THSD7A: variants seen among roughly 807,000 people sequenced by gnomAD.
THSD7A encodes thrombospondin type-1 domain-containing protein 7A.
In THSD7A, 96 loss-of-function variants were observed where a neutral mutation model predicts 231.3. That is an observed-to-expected ratio of 0.41 (90% CI 0.35 to 0.49). The LOEUF (loss-of-function observed/expected upper bound fraction) is 0.49. THSD7A is among the 20% of genes least tolerant of loss of function. THSD7A has a pLI of 0.05. For synonymous variants in THSD7A, 940 were observed against 743.3 expected (o/e 1.26, Z -4.30); for missense variants, 2,290 against 2,070.2 (o/e 1.11, Z -2.06).
intron 1 of THSD7A, among the ~76,000 whole-genome samples, chr7:11,716,482 A>G (rs765037957): frequency 6.6e-6 from 1 of 151,648 alleles, no homozygotes; most frequent in African/African-American, 2.4e-5. Flanking sequence ...TTTAAGCCAC[A>G]GATTCCTGCT....
intron 1 of THSD7A, among the ~76,000 whole-genome samples, chr7:11,754,520 T>G (rs142785750): frequency 0.016 from 2,494 of 152,230 alleles, 52 homozygotes; most frequent in African/African-American, 0.056. Context: ...CATGAATCTT[T>G]CTTCTGCTTC....
At chr7:11,458,739 G>A (rs553005383) in intron 11 of THSD7A, among the ~76,000 whole-genome samples, 20 of 152,238 alleles carry the variant, frequency 1.3e-4, no homozygotes, top group Middle Eastern at 3.4e-3. Context: ...ACTACAAGGT[G>A]GCCACCCAGG....
chr7:11,652,310 A>C (rs1782534337), intron 1 of THSD7A, among the ~76,000 whole-genome samples: 1 of 151,934 alleles, frequency 6.6e-6, no homozygotes, highest in Non-Finnish European at 1.5e-5. Flanking sequence ...CATTACTACA[A>C]ATAATTATTT....
At position 11,376,529 on chromosome 7, in the gene THSD7A, A is replaced by G. The variant is rs748585655; in HGVS notation, c.4889+41T>C. 1.2e-5 allele frequency: 17 copies of G among 1,452,034 alleles called. No individual in the cohort carries two copies. In the Middle Eastern group the frequency reaches 1.0e-3, roughly 90 times the overall value. The allele number at this position is 1,452,034 out of a possible 1,614,324, so 89.9% of individuals were successfully genotyped here. A position where few individuals can be genotyped will look rare whatever the true frequency, so the allele number is the denominator to read the frequency against. ...ATTAGTTTGCTGTTTCTGTGTTACG[A>G]TTAAGTATCTCTTTGGATTTTTAAT... On this transcript the variant is annotated intron_variant, in intron 27 of 27. Transcript: ENST00000423059.
intron 4 of THSD7A, among the ~76,000 whole-genome samples, chr7:11,574,034 G>T (rs376923278): frequency 6.6e-6 from 1 of 152,114 alleles, no homozygotes; most frequent in Non-Finnish European, 1.5e-5. Flanking sequence ...GGAAAAACAA[G>T]CATACCTGAG....
chr7:11,411,428 A>G lies in THSD7A; in HGVS notation c.3683-106T>C, dbSNP rs1237530292. On this transcript the variant is annotated intron_variant, in intron 18 of 27. Transcript: ENST00000423059. The surrounding 1 kb of genome is among the most constrained non-coding windows in gnomAD (Gnocchi z 4.1). The stretch of plus-strand genomic sequence containing the variant: ...ATATTTAATTCACAACTGCTTCCTA[A>G]GCCCCATAATCAATCATCCCCCATG... 1 of 731,552 alleles carries G rather than the reference A, an allele frequency of 1.4e-6. No individual in the cohort carries two copies. The highest frequency in any genetic ancestry group is 2.3e-6 in the Non-Finnish European group (1 of 438,338). 45.3% of individuals were successfully genotyped at this position (731,552 alleles called of 1,614,324 possible). A position where few individuals can be genotyped will look rare whatever the true frequency, so the allele number is the denominator to read the frequency against.
chr7:11,625,536 T>C (rs1781448315), intron 2 of THSD7A, among the ~76,000 whole-genome samples: 1 of 152,034 alleles, frequency 6.6e-6, no homozygotes, highest in Admixed American at 6.6e-5. Flanking sequence ...AAAAGCTAGA[T>C]AATCCCTTTA....
At position 11,382,587 on chromosome 7, in the gene THSD7A, C is replaced by T; in HGVS notation, c.4441G>A (p.Ala1481Thr). 13 of 1,612,792 alleles carry T rather than the reference C, an allele frequency of 8.1e-6. No individual in the cohort carries two copies. Among genetic ancestry groups the T allele is most frequent in the Non-Finnish European group, 1.1e-5 (13 of 1,179,172 alleles). Reference protein sequence around the residue: ...DGQCYEYKWMASAWKGSSRTV... With the variant: ...DGQCYEYKWMTSAWKGSSRTV... Reference sequence around the variant, plus strand: ...CGGGAAGAGCCCTTCCAAGCACTGGCCATCCATTTATATTCATAGCACTGT... The same window carrying T: ...CGGGAAGAGCCCTTCCAAGCACTGGTCATCCATTTATATTCATAGCACTGT... Residue 1481 changes from alanine to threonine, a missense_variant, in exon 24 of 28, where the codon GCC becomes ACC. Physicochemically the swap from Ala to Thr is moderately conservative, Grantham distance 58. Coordinates refer to ENST00000423059, the MANE Select transcript of THSD7A (RefSeq NM_015204.3).
intron 1 of THSD7A, among the ~76,000 whole-genome samples, chr7:11,799,257 T>C (rs1047278673): frequency 6.6e-6 from 1 of 152,164 alleles, no homozygotes; most frequent in African/African-American, 2.4e-5. Context: ...CAAGAAAGAA[T>C]CACTGTTTTA....
chr7:11,751,537 C>T (rs376789385), intron 1 of THSD7A, among the ~76,000 whole-genome samples: 2 of 151,866 alleles, frequency 1.3e-5, no homozygotes, highest in African/African-American at 2.4e-5. Context: ...GAGAGTACAA[C>T]GCAGAGTGTA....
chr7:11,495,429 C>T (rs1787059510), intron 6 of THSD7A, among the ~76,000 whole-genome samples: 1 of 152,040 alleles, frequency 6.6e-6, no homozygotes, highest in South Asian at 2.1e-4. Context: ...TACGTGAATG[C>T]TTTTGCCAAA....
intron 1 of THSD7A, among the ~76,000 whole-genome samples, chr7:11,762,095 C>T (rs868827401): frequency 3.3e-5 from 5 of 152,070 alleles, no homozygotes; most frequent in Admixed American, 6.6e-5. Context: ...TGCTTTTTAT[C>T]GCTGCATAGT....
Position 11,416,607 on chromosome 7 carries a change from A to G in THSD7A, c.3537+843T>C, listed in dbSNP as rs563695529. Among the ~76,000 whole-genome samples, 163 of 152,332 alleles carry G rather than the reference A, an allele frequency of 1.1e-3. 1 individual carries two copies. The highest frequency in any genetic ancestry group is 3.5e-3 in the African/African-American group (147 of 41,568). ...TGTTTAACACTGAAATGGAATATCA[A>G]TTTCTCCTTGGAAAATATGCACCAT... On this transcript the variant is annotated intron_variant, in intron 17 of 27. Transcript: ENST00000423059.
At chr7:11,829,865 T>C (rs1785144504) in intron 1 of THSD7A, among the ~76,000 whole-genome samples, 1 of 152,144 alleles carries the variant, frequency 6.6e-6, no homozygotes, top group Non-Finnish European at 1.5e-5. Flanking sequence ...TTTTTTTTTT[T>C]TACCAAACCA....
intron 6 of THSD7A, among the ~76,000 whole-genome samples, chr7:11,510,113 A>C (rs1321886460): frequency 6.6e-6 from 1 of 152,180 alleles, no homozygotes; most frequent in African/African-American, 2.4e-5. Context: ...ACAGCAGCAC[A>C]ATTCACAATT....
At chr7:11,768,540 C>T (rs965159712) in intron 1 of THSD7A, among the ~76,000 whole-genome samples, 2 of 152,048 alleles carry the variant, frequency 1.3e-5, no homozygotes, top group Admixed American at 6.5e-5. Flanking sequence ...GTACTACTGG[C>T]GTATTTAGGT....
At chr7:11,732,993 G>C (rs955673707) in intron 1 of THSD7A, among the ~76,000 whole-genome samples, 8 of 151,702 alleles carry the variant, frequency 5.3e-5, no homozygotes, top group African/African-American at 7.3e-5. Context: ...TATCTAAGCA[G>C]TATTTGGTAA....
At chr7:11,829,122 T>C (rs1026231647) in intron 1 of THSD7A, among the ~76,000 whole-genome samples, 4 of 152,132 alleles carry the variant, frequency 2.6e-5, no homozygotes, top group African/African-American at 9.7e-5. Flanking sequence ...TGACTGTTCA[T>C]GTTATCTGTA....
At position 11,406,922 on chromosome 7, in the gene THSD7A, T is replaced by C; in HGVS notation, c.4050A>G (p.Pro1350=). ...CYRWQYGQWS[P]CQVQEAQCGE... is the part of the protein sequence containing the mutation. Reference sequence around the variant, plus strand: ...TGAGATTTGATACCTGCACTTGGCATGGAGACCACTGGCCATATTGCCACC... The same window carrying C: ...TGAGATTTGATACCTGCACTTGGCACGGAGACCACTGGCCATATTGCCACC... Residue 1350 remains proline, a synonymous_variant, in exon 21 of 28, where the codon CCA becomes CCG. Transcript: ENST00000423059. This position sits in a 1 kb window ranked among gnomAD's most constrained non-coding sequence, Gnocchi z 4.7. The C allele has an allele frequency of 6.2e-7, 1 of 1,613,858 alleles. No homozygotes were observed. Among genetic ancestry groups the C allele is most frequent in the African/African-American group, 1.3e-5 (1 of 75,038 alleles).
Sources: gnomAD v4.1 joint callset for allele counts (sites outside exome capture counted in the v4.1 genomes callset) on GRCh38, gnomAD v4.1.1 for gene constraint, Gnocchi (gnomAD v3.1) non-coding constraint, MANE v1.5 for transcripts, NCBI Gene and HGNC (gene_info 2026-07-23, HGNC 2026-07-21) for gene names.